AGBL1: variants seen among roughly 807,000 people sequenced by gnomAD.
The protein encoded by AGBL1 is AGBL carboxypeptidase 1.
AGBL1 carries 130 observed loss-of-function variants against 118.9 expected under a neutral mutation model. The observed-to-expected ratio is 1.09, with a 90% CI of 0.95 to 1.26. The LOEUF (loss-of-function observed/expected upper bound fraction) is 1.26. AGBL1 is among the 50% of genes most tolerant of loss of function. The pLI, the probability that AGBL1 is intolerant of heterozygous loss-of-function variation, is 0.00. For missense variants in AGBL1, 1,584 were observed against 1,298.1 expected (o/e 1.22, Z -3.38); for synonymous variants, 555 against 478.9 (o/e 1.16, Z -2.08).
downstream of AGBL1, among the ~76,000 whole-genome samples, chr15:86,917,973 C>A (rs2080445299): frequency 6.6e-6 from 1 of 152,172 alleles, no homozygotes. The surrounding 1 kb of genome is among the most constrained non-coding windows in gnomAD (Gnocchi z 4.8). Context: ...CCATTACTCC[C>A]AAGCAGCTGG....
At chr15:86,977,825 T>C (rs2081190823) in intron 23 of AGBL1, among the ~76,000 whole-genome samples, 1 of 152,110 alleles carries the variant, frequency 6.6e-6, no homozygotes, top group Admixed American at 6.5e-5. Context: ...AGATCGATAT[T>C]GACTACTGAA....
At chr15:86,889,661 C>G (rs2080022903) in intron 22 of AGBL1, among the ~76,000 whole-genome samples, 1 of 152,080 alleles carries the variant, frequency 6.6e-6, no homozygotes, top group Non-Finnish European at 1.5e-5. Context: ...GTTTTCTGTT[C>G]CTGTATTAGT....
intron 23 of AGBL1, among the ~76,000 whole-genome samples, chr15:86,975,279 G>A (rs1300879326): frequency 6.6e-6 from 1 of 152,054 alleles, no homozygotes; most frequent in African/African-American, 2.4e-5. Flanking sequence ...ATGGCAGAAG[G>A]TGAAGGAGGA....
chr15:86,554,637 G>C lies in AGBL1; in HGVS notation c.2994+100G>C, dbSNP rs1190698767. The C allele has an allele frequency of 1.6e-5, 20 of 1,237,816 alleles. No homozygotes were observed. In the South Asian group the frequency reaches 3.0e-4, roughly 18 times the overall value. The allele number at this position is 1,237,816 out of a possible 1,614,324, so 76.7% of individuals were successfully genotyped here. On this transcript the variant is annotated intron_variant, in intron 21 of 22. Transcript: ENST00000614907. ...CTTTCTCACCTAAAAGGGGAAGAAGGCTCCAAGTAGAGTTTGGTCCTCCCT... is the reference window on the plus strand; with the variant it reads ...CTTTCTCACCTAAAAGGGGAAGAAGCCTCCAAGTAGAGTTTGGTCCTCCCT...
At chr15:86,638,634 G>A (rs977218026) in intron 21 of AGBL1, among the ~76,000 whole-genome samples, 3 of 152,136 alleles carry the variant, frequency 2.0e-5, no homozygotes, top group South Asian at 2.1e-4. Flanking sequence ...TAAGTAATCC[G>A]AATAGAGAGC....
At chr15:86,768,123 T>C (rs560789796) in intron 22 of AGBL1, among the ~76,000 whole-genome samples, 2 of 151,910 alleles carry the variant, frequency 1.3e-5, no homozygotes, top group African/African-American at 2.4e-5. Flanking sequence ...ATCTAGTCAA[T>C]GTGGGAACAT....
intron 9 of AGBL1, among the ~76,000 whole-genome samples, chr15:86,259,912 G>C (rs35283417): frequency 6.6e-6 from 1 of 152,230 alleles, no homozygotes; most frequent in Admixed American, 6.5e-5. Flanking sequence ...TGGGAGGGAG[G>C]GTGTTCAGAT....
intron 18 of AGBL1, among the ~76,000 whole-genome samples, chr15:86,452,976 T>A: frequency 6.6e-6 from 1 of 152,232 alleles, no homozygotes; most frequent in Admixed American, 6.5e-5. Flanking sequence ...TATAAAGTGC[T>A]TTCTACATAG....
chr15:86,959,197 A>C (rs1159455176), intron 23 of AGBL1, among the ~76,000 whole-genome samples: 3 of 152,152 alleles, frequency 2.0e-5, no homozygotes, highest in Admixed American at 1.3e-4. Context: ...CAAACATAAT[A>C]ATCTTATTGC....
intron 18 of AGBL1, among the ~76,000 whole-genome samples, chr15:86,482,754 G>A (rs902761171): frequency 6.6e-6 from 1 of 151,998 alleles, no homozygotes; most frequent in Non-Finnish European, 1.5e-5. Context: ...TCCAAACTGG[G>A]TCTATACACA....
intron 23 of AGBL1, among the ~76,000 whole-genome samples, chr15:86,981,890 C>T (rs1176286948): frequency 1.3e-5 from 2 of 152,108 alleles, no homozygotes; most frequent in African/African-American, 4.8e-5. Flanking sequence ...GGATCTTAGT[C>T]CAGCAGAATG....
intron 5 of AGBL1, among the ~76,000 whole-genome samples, chr15:86,160,533 C>T (rs1174789649): frequency 1.3e-5 from 2 of 152,136 alleles, no homozygotes. Context: ...TCCATTTGGA[C>T]ATATATATGA....
At chr15:86,330,580 T>C (rs1337834170) in intron 17 of AGBL1, among the ~76,000 whole-genome samples, 1 of 152,198 alleles carries the variant, frequency 6.6e-6, no homozygotes, top group Non-Finnish European at 1.5e-5. Flanking sequence ...AATCTGAATG[T>C]AGTGATACCA....
At chr15:86,540,237 C>T (rs1053200103) in intron 19 of AGBL1, among the ~76,000 whole-genome samples, 6 of 152,108 alleles carry the variant, frequency 3.9e-5, no homozygotes, top group African/African-American at 1.4e-4. Flanking sequence ...AAAATTTTAA[C>T]TTCTCCTATT....
At chr15:86,106,584 C>T (rs772608499) in intron 1 of AGBL1, among the ~76,000 whole-genome samples, 1 of 152,314 alleles carries the variant, frequency 6.6e-6, no homozygotes, top group Non-Finnish European at 1.5e-5. Context: ...CGACACTTAG[C>T]GTCCTACTCT....
rs1021735110 is a variant in AGBL1 at position 86,613,405 on chromosome 15, T to A, written c.2994+58868T>A. 1.3e-5 allele frequency among the ~76,000 whole-genome samples: 2 copies of A among 152,142 alleles called. No homozygotes were observed. Among genetic ancestry groups the A allele is most frequent in the African/African-American group, 4.8e-5 (2 of 41,430 alleles). On this transcript the variant is annotated intron_variant, in intron 21 of 22. Transcript: ENST00000614907. The surrounding 1 kb of genome is among the most constrained non-coding windows in gnomAD (Gnocchi z 4.2). ...ACAGTTAGTGGGTGAGAAGACAGTG[T>A]CTGGCATGTTCAAAGCTGCTTAGCC...
intron 18 of AGBL1, among the ~76,000 whole-genome samples, chr15:86,448,666 A>T (rs2082156714): frequency 6.6e-6 from 1 of 151,526 alleles, no homozygotes; most frequent in South Asian, 2.1e-4. Context: ...ACATCTCTTT[A>T]GTCTCTGATT....
At chr15:86,670,600 G>GACGCACACACAC (rs2085725812) in intron 21 of AGBL1, among the ~76,000 whole-genome samples, 2 of 133,226 alleles carry the variant, frequency 1.5e-5, no homozygotes, top group African/African-American at 5.7e-5. Flanking sequence ...GTGAAACTCT[G>GACGCACACACAC]ACACACACAC....
intron 22 of AGBL1, among the ~76,000 whole-genome samples, chr15:86,878,378 A>G (rs1409523488): frequency 3.3e-5 from 5 of 152,212 alleles, no homozygotes; most frequent in Non-Finnish European, 5.9e-5. Context: ...CTTTGTTTAC[A>G]AAAACAGGCA....
Sources: gnomAD v4.1 joint callset for allele counts (sites outside exome capture counted in the v4.1 genomes callset) on GRCh38, gnomAD v4.1.1 for gene constraint, Gnocchi (gnomAD v3.1) non-coding constraint, MANE v1.5 for transcripts, NCBI Gene and HGNC (gene_info 2026-07-23, HGNC 2026-07-21) for gene names.